Variants in XIRP1 observed in about 807,000 individuals in gnomAD.
XIRP1 encodes the protein xin actin-binding repeat-containing protein 1.
For missense variants in XIRP1, 2,378 were observed against 2,345.4 expected (o/e 1.01, Z -0.29); for synonymous variants, 984 against 947.0 (o/e 1.04, Z -0.72).
Position 39,184,852 on chromosome 3 carries a change from C to T in XIRP1, c.4594G>A (p.Val1532Ile). Residue 1532 changes from valine to isoleucine, a missense_variant, in exon 2 of 2, where the codon GTC becomes ATC. By Grantham distance (29) the Val-to-Ile change is conservative. Transcript: ENST00000340369. The part of the protein sequence containing the change: ...VEQAFGELTR[V>I]STEVAQLKEQ... Reference sequence around the variant, plus strand: ...TTCAGTTGAGCAACTTCCGTGCTGACCCGTGTCAGCTCCCCAAAGGCCTGC... The same window carrying T: ...TTCAGTTGAGCAACTTCCGTGCTGATCCGTGTCAGCTCCCCAAAGGCCTGC... 6.2e-7 allele frequency: 1 copy of T among 1,610,266 alleles called. No homozygotes were observed. The highest frequency in any genetic ancestry group is 8.5e-7 in the Non-Finnish European group (1 of 1,176,836).
chr3:39,185,987 T>G lies in XIRP1; in HGVS notation c.3459A>C (p.Pro1153=). 6.2e-7 allele frequency: 1 copy of G among 1,614,088 alleles called. No homozygotes were observed. Among genetic ancestry groups the G allele is most frequent in the Non-Finnish European group, 8.5e-7 (1 of 1,179,986 alleles). Residue 1153 remains proline (P), a synonymous_variant, in exon 2 of 2, where the codon CCA becomes CCC. Coordinates refer to ENST00000340369, the MANE Select transcript of XIRP1 (RefSeq NM_194293.4). ...TCTGAGAAAGCTGGACACCCCCAGG[T>G]GGGTCAAAGGTCCTCACGGGATGAG... is the stretch of plus-strand genomic sequence containing the variant. The part of the protein sequence containing the change: ...YTAHPVRTFD[P]PGGVQLSQRE...
At position 39,189,289 on chromosome 3, in the gene XIRP1, C is replaced by A; in HGVS notation, c.157G>T (p.Glu53Ter). Residue 53 changes from glutamate to a stop codon, truncating the protein, a stop_gained, in exon 2 of 2, where the codon GAG (glutamate) becomes TAG (stop). Coordinates refer to ENST00000340369, the MANE Select transcript of XIRP1 (RefSeq NM_194293.4). LOFTEE classifies it low-confidence loss of function (END_TRUNC). ...SKFHQQRQAS[E>*]LRRLYRHIHP... ...ATGTGCCTGTAGAGGCGGCGGAGCT[C>A]ACTAGCTTGCCGCTGCTGATGGAAC... 2 of 1,613,812 alleles carry A rather than the reference C, an allele frequency of 1.2e-6. No homozygotes were observed. Among genetic ancestry groups the A allele is most frequent in the Non-Finnish European group, 1.7e-6 (2 of 1,179,986 alleles).
rs1307471105 is a variant in XIRP1, at chr3:39,186,699, A to G, written c.2747T>C (p.Leu916Pro). Residue 916 changes from leucine (L) to proline (P), a missense_variant, in exon 2 of 2, where the codon CTA (leucine) becomes CCA (proline). Leu to Pro is a moderately conservative substitution (Grantham distance 98). Coordinates refer to ENST00000340369, the MANE Select transcript of XIRP1 (RefSeq NM_194293.4). ...ALTAYSLQPR[L>P]TSKASERSSV... ...GCTCCTCTCAGAGGCCTTGCTAGTT[A>G]GCCGGGGCTGCAGAGAGTAGGCAGT... 1 of 1,613,918 alleles carries G rather than the reference A, an allele frequency of 6.2e-7. No homozygotes were observed. Among genetic ancestry groups the G allele is most frequent in the Non-Finnish European group, 8.5e-7 (1 of 1,180,032 alleles).
At position 39,188,287 on chromosome 3, in the gene XIRP1, T is replaced by C. The variant is rs745615231; in HGVS notation, c.1159A>G (p.Thr387Ala). 86 of 1,614,036 alleles carry C rather than the reference T, an allele frequency of 5.3e-5. No individual in the cohort carries two copies. Among genetic ancestry groups the C allele is most frequent in the Non-Finnish European group, 6.6e-5 (78 of 1,180,028 alleles). ...TCTCTGAAAGCATCCAGGGGCTTTGTTTCAAATAGCCACAGGGTGGAGCGG... is the reference window on the plus strand; with the variant it reads ...TCTCTGAAAGCATCCAGGGGCTTTGCTTCAAATAGCCACAGGGTGGAGCGG... ...DVRSTLWLFE[T>A]KPLDAFRDKV... The change falls in exon 2 of 2, where the codon ACA becomes GCA. Residue 387 changes from threonine to alanine, a missense_variant. By Grantham distance (58) the Thr-to-Ala change is moderately conservative (BLOSUM62 0). Coordinates refer to ENST00000340369, the MANE Select transcript of XIRP1 (RefSeq NM_194293.4).
In XIRP1 at chr3:39,187,622, T is replaced by G. The variant is rs745873818; in HGVS notation, c.1824A>C (p.Glu608Asp). 1 of 1,614,002 alleles carries G rather than the reference T, an allele frequency of 6.2e-7. No individual in the cohort carries two copies. The stretch of plus-strand genomic sequence containing the variant: ...GATCTGTGACCTCTGACCCCTGCTT[T>G]TCGGCCAACTCACTCATTGGGCAAG... ...FETCPMSELA[E>D]KQGSEVTDPT... is the part of the protein sequence containing the mutation. Residue 608 changes from glutamate to aspartate, a missense_variant, in exon 2 of 2, where the codon GAA (glutamate) becomes GAC (aspartate). Transcript: ENST00000340369.
Position 39,186,089 on chromosome 3 carries a change from C to G in XIRP1, c.3357G>C (p.Lys1119Asn). The G allele has an allele frequency of 6.2e-7, 1 of 1,614,054 alleles. No homozygotes were observed. ...SDPRIPAAPR[K>N]VSREEQALPR... ...GTAGTGCTTGCTCTTCCCTACTGAC[C>G]TTTCTGGGGGCTGCTGGGATCCGGG... The change falls in exon 2 of 2, where the codon AAG becomes AAC. Residue 1119 changes from lysine (K) to asparagine (N), a missense_variant. Physicochemically the swap from Lys to Asn is moderately conservative, Grantham distance 94. Transcript: ENST00000340369.
At position 39,186,545 on chromosome 3, in the gene XIRP1, A is replaced by T. The variant is rs1008098556; in HGVS notation, c.2901T>A (p.Thr967=). Residue 967 remains threonine, a synonymous_variant, in exon 2 of 2, where the codon ACT becomes ACA. Transcript: ENST00000340369. The part of the protein sequence containing the change: ...ASEGAQSLHP[T]ESIIHVPPLD... ...GTGGGGGAACATGGATGATGCTCTC[A>T]GTTGGGTGCAGGCTCTGGGCCCCCT... 5 of 1,611,320 alleles carry T rather than the reference A, an allele frequency of 3.1e-6. No homozygotes were observed. The African/African-American group carries it at 6.7e-5, about 22-fold the overall frequency.
At position 39,188,873 on chromosome 3, in the gene XIRP1, G is replaced by A. The variant is rs1482841890; in HGVS notation, c.573C>T (p.Thr191=). 6.2e-7 allele frequency: 1 copy of A among 1,612,802 alleles called. No homozygotes were observed. The highest frequency in any genetic ancestry group is 2.2e-5 in the East Asian group (1 of 44,884). Residue 191 remains threonine, a synonymous_variant, in exon 2 of 2, where the codon ACC becomes ACT. Coordinates refer to ENST00000340369, the MANE Select transcript of XIRP1 (RefSeq NM_194293.4). ...GCGGCCGCGTCTCAAAGAGCATCCTGGTACCCTGCACATCTCCGCTGGCTG... is the reference window on the plus strand; with the variant it reads ...GCGGCCGCGTCTCAAAGAGCATCCTAGTACCCTGCACATCTCCGCTGGCTG... ...EPAASGDVQG[T]RMLFETRPLD...
chr3:39,184,341 G>A lies in XIRP1; in HGVS notation c.5105C>T (p.Ala1702Val). 1 of 1,614,180 alleles carries A rather than the reference G, an allele frequency of 6.2e-7. No homozygotes were observed. The highest frequency in any genetic ancestry group is 8.5e-7 in the Non-Finnish European group (1 of 1,180,042). The change falls in exon 2 of 2, where the codon GCT (alanine) becomes GTT (valine). Residue 1702 changes from alanine (A) to valine (V), a missense_variant. Ala to Val is a moderately conservative substitution (Grantham distance 64). Coordinates refer to ENST00000340369, the MANE Select transcript of XIRP1 (RefSeq NM_194293.4). The stretch of plus-strand genomic sequence containing the variant: ...GAGCAGGGCCTGGCCTATGTCCTGA[G>A]CCAGTTGTGTGCTTTTCACTGAGAC... Reference protein sequence around the residue: ...PDVSVKSTQLAQDIGQALLHQ... With the variant: ...PDVSVKSTQLVQDIGQALLHQ...
chr3:39,192,252 T>C (rs1334838049), intron 1 of XIRP1, among the ~76,000 whole-genome samples, 194 bp downstream of exon 1: 1 of 152,230 alleles, frequency 6.6e-6, no homozygotes, highest in Non-Finnish European at 1.5e-5. Context: ...AGAGCTCCCA[T>C]GGGGCTCACA....
rs377642547 is a variant in XIRP1, at chr3:39,186,821, G to T, written c.2625C>A (p.Asp875Glu). The change falls in exon 2 of 2, where the codon GAC (aspartate) becomes GAA (glutamate). Residue 875 changes from aspartate (D) to glutamate (E), a missense_variant. Transcript: ENST00000340369. The part of the protein sequence containing the change: ...PGSSGNIEDM[D>E]PELQQLLACG... ...AAGCCAGCAGCTGCTGGAGCTCAGG[G>T]TCCATGTCTTCAATATTCCCACTGC... 6.8e-6 allele frequency: 11 copies of T among 1,613,808 alleles called. No homozygotes were observed. The East Asian group carries it at 2.5e-4, about 36-fold the overall frequency.
Position 39,187,069 on chromosome 3 carries a change from C to T in XIRP1, c.2377G>A (p.Glu793Lys). ...CAGAGCTCCCCTGGCCCTCGGGCCT[C>T]CATGAGGATGCCTCCATGGTGCAGG... The part of the protein sequence containing the change: ...GILHHGGILM[E>K]ARGPGELCLA... The change falls in exon 2 of 2, where the codon GAG becomes AAG. Residue 793 changes from glutamate (E) to lysine (K), a missense_variant. Glu to Lys is a moderately conservative substitution (Grantham distance 56). Coordinates refer to ENST00000340369, the MANE Select transcript of XIRP1 (RefSeq NM_194293.4). 6.2e-7 allele frequency: 1 copy of T among 1,613,228 alleles called. No individual in the cohort carries two copies. Among genetic ancestry groups the T allele is most frequent in the South Asian group, 1.1e-5 (1 of 91,064 alleles).
Position 39,186,788 on chromosome 3 carries a change from A to G in XIRP1, c.2658T>C (p.Leu886=). 6.2e-7 allele frequency: 1 copy of G among 1,613,992 alleles called. No individual in the cohort carries two copies. The highest frequency in any genetic ancestry group is 8.5e-7 in the Non-Finnish European group (1 of 1,179,980). The part of the protein sequence containing the change: ...PELQQLLACG[L]GTSVARTGLV... ...GCCCAGTCCTTGCCACGGAGGTCCC[A>G]AGACCGCAAGCCAGCAGCTGCTGGA... The change falls in exon 2 of 2, where the codon CTT becomes CTC. Residue 886 remains leucine, a synonymous_variant. Coordinates refer to ENST00000340369, the MANE Select transcript of XIRP1 (RefSeq NM_194293.4).
rs756399509 is a variant in XIRP1 at position 39,188,807 on chromosome 3, G to T, written c.639C>A (p.Ser213Arg). 1.4e-5 allele frequency: 23 copies of T among 1,613,302 alleles called. No homozygotes were observed. The East Asian group carries it at 5.1e-4, about 36-fold the overall frequency. Residue 213 changes from serine to arginine, a missense_variant, in exon 2 of 2, where the codon AGC becomes AGA. Physicochemically the swap from Ser to Arg is moderately radical, Grantham distance 110. Transcript: ENST00000340369. ...LGSRPSLQEQ[S>R]PLELRSEIQE... Reference sequence around the variant, plus strand: ...GGATCTCTGAGCGCAGTTCCAAGGGGCTCTGCTCCTGCAGGGAGGGGCGGG... The same window carrying T: ...GGATCTCTGAGCGCAGTTCCAAGGGTCTCTGCTCCTGCAGGGAGGGGCGGG...
rs1208442977 is a variant in XIRP1 at position 39,184,977 on chromosome 3, T to G, written c.4469A>C (p.Asp1490Ala). Residue 1490 changes from aspartate to alanine, a missense_variant, in exon 2 of 2, where the codon GAC (aspartate) becomes GCC (alanine). Asp to Ala is a moderately radical substitution (Grantham distance 126). Coordinates refer to ENST00000340369, the MANE Select transcript of XIRP1 (RefSeq NM_194293.4). ...AAAGAGCCTCCGCAGGGCCTGCACG[T>G]CCACACTGCTTGCGGCCTCCTTCTC... Reference protein sequence around the residue: ...ALEKEAASSVDVQALRRLFEA... With the variant: ...ALEKEAASSVAVQALRRLFEA... 9.2e-6 allele frequency: 14 copies of G among 1,528,204 alleles called. No homozygotes were observed. Among genetic ancestry groups the G allele is most frequent in the Non-Finnish European group, 1.2e-5 (14 of 1,140,896 alleles). 94.7% of individuals were successfully genotyped at this position (1,528,204 alleles called of 1,614,324 possible). A position where few individuals can be genotyped will look rare whatever the true frequency, so the allele number is the denominator to read the frequency against.
chr3:39,184,040 G>A lies in XIRP1; in HGVS notation c.5406C>T (p.His1802=). The part of the protein sequence containing the change: ...QAEPPRNPGS[H]LGLHASPLLR... Reference sequence around the variant, plus strand: ...GCAAGGGGGAGGCGTGGAGCCCGAGGTGGGAGCCTGGGTTCCTGGGTGGCT... The same window carrying A: ...GCAAGGGGGAGGCGTGGAGCCCGAGATGGGAGCCTGGGTTCCTGGGTGGCT... The change falls in exon 2 of 2, where the codon CAC becomes CAT. Residue 1802 remains histidine (H), a synonymous_variant. Transcript: ENST00000340369. 2 of 1,612,488 alleles carry A rather than the reference G, an allele frequency of 1.2e-6. No individual in the cohort carries two copies. The highest frequency in any genetic ancestry group is 1.7e-6 in the Non-Finnish European group (2 of 1,179,066).
intron 1 of XIRP1, among the ~76,000 whole-genome samples, 197 bp from the exon 2 acceptor site, chr3:39,189,722 C>T (rs1006640558): frequency 6.6e-6 from 1 of 152,164 alleles, no homozygotes; most frequent in African/African-American, 2.4e-5. Flanking sequence ...ACATCTCATG[C>T]GTTGCTAGGG....
rs1312809315 is a variant in XIRP1, at chr3:39,184,770, C to T, written c.4676G>A (p.Ser1559Asn). The T allele has an allele frequency of 6.2e-7, 1 of 1,614,132 alleles. No homozygotes were observed. The highest frequency in any genetic ancestry group is 8.5e-7 in the Non-Finnish European group (1 of 1,180,060). ...CTCAGGCTGGAGGCTAGACATGGAG[C>T]TGAGTGCCTTGTGCACAGCCTCTTC... ...DIEEAVHKAL[S>N]SMSSLQPEAS... The change falls in exon 2 of 2, where the codon AGC becomes AAC. Residue 1559 changes from serine (S) to asparagine (N), a missense_variant. By Grantham distance (46) the Ser-to-Asn change is conservative. Transcript: ENST00000340369.
At position 39,183,699 on chromosome 3, in the gene XIRP1, G is replaced by T; in HGVS notation, c.*215C>A. 1.3e-6 allele frequency: 1 copy of T among 777,986 alleles called. No homozygotes were observed. The highest frequency in any genetic ancestry group is 2.0e-6 in the Non-Finnish European group (1 of 510,128). 48.2% of individuals were successfully genotyped at this position (777,986 alleles called of 1,614,324 possible). Reference sequence around the variant, plus strand: ...GCCCCCATCCTACCCCCACGCCTGTGCAACTCTGTGGGCCTCTTCCAGACC... The same window carrying T: ...GCCCCCATCCTACCCCCACGCCTGTTCAACTCTGTGGGCCTCTTCCAGACC... On this transcript the variant is annotated 3_prime_UTR_variant, in exon 2 of 2. Transcript: ENST00000340369.
Sources: allele counts gnomAD v4.1 joint callset (sites outside exome capture counted in the v4.1 genomes callset), GRCh38; gene constraint gnomAD v4.1.1; transcripts MANE v1.5; gene names NCBI Gene and HGNC (gene_info 2026-07-23, HGNC 2026-07-21).